The following CHN1 variants were observed in gnomAD, a reference collection of about 807,000 sequenced individuals.
The protein encoded by CHN1 is chimerin 1, also known as N-chimaerin.
CHN1 carries 37 observed loss-of-function variants against 59.5 expected under a neutral mutation model. The observed-to-expected ratio is 0.62, with a 90% CI of 0.48 to 0.82. CHN1 has a LOEUF of 0.82. CHN1 is among the 40% of genes least tolerant of loss of function. CHN1 has a pLI of 0.00. For synonymous variants in CHN1, 206 were observed against 200.4 expected (o/e 1.03, Z -0.24); for missense variants, 469 against 571.0 (o/e 0.82, Z 1.82).
At chr2:174,916,390 T>A (rs1261052562) in intron 4 of CHN1, among the ~76,000 whole-genome samples, 1 of 152,190 alleles carries the variant, frequency 6.6e-6, no homozygotes, top group Non-Finnish European at 1.5e-5. Flanking sequence ...CTGCCTATTG[T>A]TTATTTCATA....
intron 5 of CHN1, among the ~76,000 whole-genome samples, chr2:174,898,026 A>C (rs1688272711): frequency 6.6e-6 from 1 of 152,194 alleles, no homozygotes; most frequent in African/African-American, 2.4e-5. Flanking sequence ...CCCTAGACTA[A>C]CTACTACATT....
chr2:174,956,648 T>G (rs1312253699), intron 1 of CHN1, among the ~76,000 whole-genome samples: 1 of 151,832 alleles, frequency 6.6e-6, no homozygotes, highest in Non-Finnish European at 1.5e-5. Context: ...GGCAGGTACC[T>G]GTACCCCAGC....
intron 1 of CHN1, among the ~76,000 whole-genome samples, chr2:174,974,170 G>A (rs569198488): frequency 1.3e-5 from 2 of 152,066 alleles, no homozygotes; most frequent in Non-Finnish European, 2.9e-5. Context: ...GTGGATAATC[G>A]GTTTGTTTTA....
At chr2:174,858,309 T>G (rs1398041839) in intron 6 of CHN1, among the ~76,000 whole-genome samples, 1 of 152,210 alleles carries the variant, frequency 6.6e-6, no homozygotes, top group African/African-American at 2.4e-5. Flanking sequence ...ATATTCATTT[T>G]AAGCCTCAAT....
intron 5 of CHN1, among the ~76,000 whole-genome samples, chr2:174,904,164 G>C (rs1688471914): frequency 1.3e-5 from 2 of 151,992 alleles, no homozygotes; most frequent in African/African-American, 2.4e-5. Context: ...TCGGGAGGCT[G>C]AGGCAGGAGA....
chr2:174,920,174 A>C (rs990262859), intron 3 of CHN1, among the ~76,000 whole-genome samples: 2 of 152,202 alleles, frequency 1.3e-5, no homozygotes, highest in Admixed American at 6.5e-5. Flanking sequence ...ACTGAAATGG[A>C]ATATACAGTA....
At chr2:174,817,176 T>C (rs904423796) in intron 8 of CHN1, among the ~76,000 whole-genome samples, 1 of 152,210 alleles carries the variant, frequency 6.6e-6, no homozygotes, top group Non-Finnish European at 1.5e-5. Context: ...CAACCTCTTA[T>C]TCAAAAATGT....
chr2:174,818,818 A>G (rs1685372451), intron 8 of CHN1, among the ~76,000 whole-genome samples: 1 of 152,110 alleles, frequency 6.6e-6, no homozygotes, highest in Non-Finnish European at 1.5e-5. Context: ...CTGGGGCTTG[A>G]TTTTGCTAAA....
At chr2:174,925,023 TGAAGA>T (rs1420648198) in intron 3 of CHN1, among the ~76,000 whole-genome samples, 3 of 152,104 alleles carry the variant, frequency 2.0e-5, no homozygotes, top group African/African-American at 2.4e-5. Flanking sequence ...AAATGAGAAG[TGAAGA>T]GAAGAAAAAT....
chr2:174,811,467 A>T (rs1685071458), intron 10 of CHN1, 44 bp downstream of exon 10: 1 of 1,330,546 alleles, frequency 7.5e-7, no homozygotes, highest in Non-Finnish European at 1.1e-6. Flanking sequence ...TTTTTAGAAA[A>T]GAGTATTATT....
chr2:174,953,781 A>G (rs1690101447), intron 1 of CHN1, among the ~76,000 whole-genome samples: 1 of 152,210 alleles, frequency 6.6e-6, no homozygotes, highest in Admixed American at 6.5e-5. Context: ...CACTACTGAA[A>G]GAAATCATAG....
At chr2:174,882,902 T>G (rs988178699) in intron 5 of CHN1, among the ~76,000 whole-genome samples, 1 of 152,226 alleles carries the variant, frequency 6.6e-6, no homozygotes, top group East Asian at 1.9e-4. Flanking sequence ...AGGAAGGCTA[T>G]GGAAGAGAGA....
rs558642265 is a variant in CHN1 at position 174,987,650 on chromosome 2, G to C, written c.19+17244C>G. On this transcript the variant is annotated intron_variant, in intron 1 of 12. Coordinates refer to ENST00000409900, the MANE Select transcript of CHN1 (RefSeq NM_001822.7). ...GGGGTTTCACTGTATTGGCCAGGATGATCTCGAACTCCTGATCTCATGATC... is the reference window on the plus strand; with the variant it reads ...GGGGTTTCACTGTATTGGCCAGGATCATCTCGAACTCCTGATCTCATGATC... Among the ~76,000 whole-genome samples, 172 of 152,200 alleles carry C rather than the reference G, an allele frequency of 1.1e-3. 1 individual carries two copies. Among genetic ancestry groups the C allele is most frequent in the Non-Finnish European group, 1.9e-3 (129 of 68,006 alleles).
intron 3 of CHN1, among the ~76,000 whole-genome samples, chr2:174,924,336 C>T (rs1290394997): frequency 6.6e-6 from 1 of 152,110 alleles, no homozygotes; most frequent in East Asian, 1.9e-4. Context: ...ATTTCCTTCC[C>T]ACAACTTACC....
intron 1 of CHN1, among the ~76,000 whole-genome samples, chr2:174,976,447 C>T (rs887477928): frequency 1.2e-4 from 18 of 152,076 alleles, no homozygotes; most frequent in African/African-American, 4.1e-4. Flanking sequence ...CCATGTTGGC[C>T]AGCCTGATCT....
At chr2:174,928,935 G>C (rs1438167612) in intron 3 of CHN1, among the ~76,000 whole-genome samples, 1 of 152,158 alleles carries the variant, frequency 6.6e-6, no homozygotes, top group Non-Finnish European at 1.5e-5. Context: ...CAGCAAAGTG[G>C]AGGAATACTT....
chr2:174,859,022 A>AAC (rs1686992304), intron 6 of CHN1, among the ~76,000 whole-genome samples: 1 of 151,718 alleles, frequency 6.6e-6, no homozygotes, highest in Non-Finnish European at 1.5e-5. Flanking sequence ...ACAAAACCAA[A>AAC]CAAACAAAAA....
intron 5 of CHN1, among the ~76,000 whole-genome samples, chr2:174,908,061 T>C (rs1688592251): frequency 6.6e-6 from 1 of 152,210 alleles, no homozygotes; most frequent in South Asian, 2.1e-4. Context: ...CTCTGGAATA[T>C]GTCCAAATAT....
chr2:174,812,411 C>T lies in CHN1; in HGVS notation c.784G>A (p.Val262Ile), dbSNP rs756331019. 3 of 1,613,886 alleles carry T rather than the reference C, an allele frequency of 1.9e-6. No individual in the cohort carries two copies. Among genetic ancestry groups the T allele is most frequent in the Non-Finnish European group, 2.5e-6 (3 of 1,179,884 alleles). The change falls in exon 9 of 13, where the codon GTC becomes ATC. Residue 262 changes from valine (V) to isoleucine (I), a missense_variant. Coordinates refer to ENST00000409900, the MANE Select transcript of CHN1 (RefSeq NM_001822.7). ...PNDCKPDLKH[V>I]KKVYSCDLTT... ...AGGTCACAGCTGTACACCTTTTTGA[C>T]ATGCTTCAAGTCTGGCTTACAGTCA...
Sources: allele counts gnomAD v4.1 joint callset (sites outside exome capture counted in the v4.1 genomes callset), GRCh38; gene constraint gnomAD v4.1.1; transcripts MANE v1.5; gene names NCBI Gene and HGNC (gene_info 2026-07-23, HGNC 2026-07-21).